DUSP22: variants seen among roughly 807,000 people sequenced by gnomAD.
DUSP22 encodes the protein dual specificity phosphatase 22.
In DUSP22, 24 loss-of-function variants were observed where a neutral mutation model predicts 24.5. The ratio of observed to expected loss-of-function variants is 0.98; its 90% CI spans 0.71 to 1.38. The LOEUF (loss-of-function observed/expected upper bound fraction) is 1.38, where lower values mean the gene tolerates loss of function less well. DUSP22 is among the 40% of genes most tolerant of loss of function. DUSP22 has a pLI of 0.00. For missense variants in DUSP22, 330 were observed against 269.2 expected, an observed-to-expected ratio of 1.23 and a Z score of -1.58; for synonymous variants, 160 against 106.4, an observed-to-expected ratio of 1.50 and a Z score of -3.10.
intron 5 of DUSP22, 32 bp downstream of exon 5, chr6:345,960 G>A: frequency 6.2e-7 from 1 of 1,612,126 alleles, no homozygotes; most frequent in Non-Finnish European, 8.5e-7. Flanking sequence ...TAGCGCCTTA[G>A]CGTATTCTGG....
chr6:297,658 G>T (rs975675082), intron 1 of DUSP22, among the ~76,000 whole-genome samples: 59 of 152,406 alleles, frequency 3.9e-4, no homozygotes, highest in African/African-American at 1.3e-3. Context: ...CCTGGGGAGT[G>T]AAATCATCCC....
At chr6:315,655 C>G (rs1345021660) in intron 3 of DUSP22, among the ~76,000 whole-genome samples, 2 of 152,308 alleles carry the variant, frequency 1.3e-5, no homozygotes, top group East Asian at 3.8e-4. Context: ...CTTTGCTCTT[C>G]TTTCCTTTTA....
chr6:307,336 C>T (rs547393195), intron 2 of DUSP22, among the ~76,000 whole-genome samples: 1 of 152,414 alleles, frequency 6.6e-6, no homozygotes, highest in East Asian at 1.9e-4. Flanking sequence ...CTCCCTCCCT[C>T]CCTTCCTTCT....
In DUSP22 at chr6:350,256, G is replaced by C. The variant is rs1371233069; in HGVS notation, c.*1305G>C. 1.0e-6 allele frequency: 1 copy of C among 988,810 alleles called. No individual in the cohort carries two copies. The highest frequency in any genetic ancestry group is 4.6e-5 in the South Asian group (1 of 21,530). The allele number at this position is 988,810 out of a possible 1,614,324, so 61.3% of individuals were successfully genotyped here. A position where few individuals can be genotyped will look rare whatever the true frequency, so the allele number is the denominator to read the frequency against. On this transcript the variant is annotated 3_prime_UTR_variant, in exon 7 of 7. Transcript: ENST00000419235. Reference sequence around the variant, plus strand: ...TGGGCTCCAGTAATGCTTTCTGGTGGGTAAAATTCCACATTCAGGCCACGA... The same window carrying C: ...TGGGCTCCAGTAATGCTTTCTGGTGCGTAAAATTCCACATTCAGGCCACGA...
At chr6:306,034 A>G (rs972963776) in intron 2 of DUSP22, among the ~76,000 whole-genome samples, 5 of 152,306 alleles carry the variant, frequency 3.3e-5, no homozygotes, top group African/African-American at 1.2e-4. Flanking sequence ...GACAGCTGCT[A>G]ATTGCTACAA....
At chr6:316,545 A>G (rs994936063) in intron 3 of DUSP22, among the ~76,000 whole-genome samples, 3 of 152,294 alleles carry the variant, frequency 2.0e-5, no homozygotes, top group African/African-American at 4.8e-5. Context: ...GAAAACTCCT[A>G]TTGCAAAGAC....
intron 1 of DUSP22, among the ~76,000 whole-genome samples, chr6:302,138 G>A (rs1175039935): frequency 3.9e-5 from 6 of 152,302 alleles, no homozygotes; most frequent in African/African-American, 1.2e-4. Flanking sequence ...CCCCGCCATC[G>A]CCGTCACGGA....
intron 3 of DUSP22, among the ~76,000 whole-genome samples, chr6:313,573 C>CT (rs1758203726): frequency 6.6e-6 from 1 of 152,298 alleles, no homozygotes; most frequent in African/African-American, 2.4e-5. Flanking sequence ...CAAATTCTGC[C>CT]TTTAAAAAAA....
chr6:344,850 G>C (rs537336690), intron 4 of DUSP22, among the ~76,000 whole-genome samples: 2 of 152,298 alleles, frequency 1.3e-5, no homozygotes, highest in Non-Finnish European at 2.9e-5. Context: ...GAGTAAATCA[G>C]CTTTTAGGAC....
intron 3 of DUSP22, among the ~76,000 whole-genome samples, chr6:321,100 A>G (rs1758567811): frequency 6.6e-6 from 1 of 152,298 alleles, no homozygotes; most frequent in Non-Finnish European, 1.5e-5. Context: ...GTGTGGTCCT[A>G]AATGATCATA....
chr6:307,057 T>G (rs1757842029), intron 2 of DUSP22, among the ~76,000 whole-genome samples: 1 of 152,310 alleles, frequency 6.6e-6, no homozygotes, highest in Admixed American at 6.5e-5. Flanking sequence ...TGGGTGGCAT[T>G]GGCTGGCAAG....
intron 3 of DUSP22, among the ~76,000 whole-genome samples, chr6:312,529 T>C: frequency 6.6e-6 from 1 of 152,426 alleles, no homozygotes; most frequent in East Asian, 1.9e-4. Context: ...AAATTTACCC[T>C]AATGGACGGT....
chr6:342,761 C>T (rs1759669817), intron 4 of DUSP22, among the ~76,000 whole-genome samples: 2 of 151,588 alleles, frequency 1.3e-5, no homozygotes, highest in African/African-American at 4.9e-5. Flanking sequence ...AGATCACTTT[C>T]CTCTCTTCGG....
At chr6:348,016 C>T (rs1279313510) in intron 5 of DUSP22, 87 bp from the exon 6 acceptor site, 4 of 1,564,344 alleles carry the variant, frequency 2.6e-6, no homozygotes, top group Non-Finnish European at 3.5e-6. Flanking sequence ...GAACAAGGTC[C>T]TTAGAGTCCC....
intron 3 of DUSP22, among the ~76,000 whole-genome samples, chr6:334,520 C>G (rs943847970): frequency 6.6e-6 from 1 of 152,218 alleles, no homozygotes; most frequent in Non-Finnish European, 1.5e-5. Context: ...TTTGGCCATT[C>G]TTTAAAAAAG....
At chr6:299,460 A>T (rs1220420171) in intron 1 of DUSP22, among the ~76,000 whole-genome samples, 1 of 152,308 alleles carries the variant, frequency 6.6e-6, no homozygotes, top group African/African-American at 2.4e-5. Flanking sequence ...TAGAAGTTGA[A>T]ATATTCATGG....
At chr6:348,723 C>G in intron 6 of DUSP22, 46 bp from the exon 7 acceptor site, 1 of 1,611,228 alleles carries the variant, frequency 6.2e-7, no homozygotes, top group Non-Finnish European at 8.5e-7. Context: ...TGGATGCAGA[C>G]GTGCACATGT....
chr6:296,610 T>C (rs1258041673), intron 1 of DUSP22, among the ~76,000 whole-genome samples: 1 of 152,304 alleles, frequency 6.6e-6, no homozygotes, highest in Non-Finnish European at 1.5e-5. Context: ...TCAAATCTTT[T>C]GGGGGAGAGC....
At chr6:325,411 G>A (rs1758815139) in intron 3 of DUSP22, 1 of 222,060 alleles carries the variant, frequency 4.5e-6, no homozygotes, top group Admixed American at 6.5e-5. Context: ...GCGTCCTGGT[G>A]TGTGCAGTGC....
Sources: allele counts gnomAD v4.1 joint callset (sites outside exome capture counted in the v4.1 genomes callset), GRCh38; gene constraint gnomAD v4.1.1; transcripts MANE v1.5; gene names NCBI Gene and HGNC (gene_info 2026-07-23, HGNC 2026-07-21).